Variants in PIK3C2G observed in about 807,000 individuals in gnomAD.
PIK3C2G encodes phosphatidylinositol 3-kinase C2 domain-containing subunit gamma.
PIK3C2G carries 168 observed loss-of-function variants against 181.1 expected under a neutral mutation model. The observed-to-expected ratio is 0.93, with a 90% CI of 0.82 to 1.05. The LOEUF (loss-of-function observed/expected upper bound fraction) is 1.05, where lower values mean the gene tolerates loss of function less well. Among genes scored for constraint, PIK3C2G ranks in the 50% least tolerant of loss-of-function variants. The pLI, the probability that PIK3C2G is intolerant of heterozygous loss-of-function variation, is 0.00. For synonymous variants in PIK3C2G, 573 were observed against 592.2 expected, an observed-to-expected ratio of 0.97 and a Z score of 0.47; for missense variants, 1,869 against 1,732.8, an observed-to-expected ratio of 1.08 and a Z score of -1.40.
chr12:18,455,136 A>G (rs547049970), intron 18 of PIK3C2G, among the ~76,000 whole-genome samples: 1 of 152,328 alleles, frequency 6.6e-6, no homozygotes, highest in African/African-American at 2.4e-5. Flanking sequence ...TAAAGAATAT[A>G]CCAGCAAGAC....
At chr12:18,379,766 C>G (rs531410501) in intron 13 of PIK3C2G, among the ~76,000 whole-genome samples, 1 of 152,172 alleles carries the variant, frequency 6.6e-6, no homozygotes, top group Admixed American at 6.5e-5. Context: ...GACTCAGGCT[C>G]TCACAGGCAC....
At chr12:18,607,996 C>A (rs531452124) in intron 30 of PIK3C2G, among the ~76,000 whole-genome samples, 95 of 152,194 alleles carry the variant, frequency 6.2e-4, no homozygotes, top group East Asian at 4.5e-3. Flanking sequence ...CAAAACCACA[C>A]TGAGATACCA....
intron 8 of PIK3C2G, among the ~76,000 whole-genome samples, chr12:18,333,281 ATTTG>A (rs753115349): frequency 4.6e-5 from 7 of 151,744 alleles, no homozygotes; most frequent in Non-Finnish European, 8.8e-5. Context: ...CTATATTTTC[ATTTG>A]TTTGTTTGTT....
chr12:18,630,754 G>A (rs1435293918), intron 31 of PIK3C2G, among the ~76,000 whole-genome samples: 1 of 152,046 alleles, frequency 6.6e-6, no homozygotes, highest in Non-Finnish European at 1.5e-5. Context: ...ATTAAAGTTA[G>A]ATGACTTCAT....
intron 31 of PIK3C2G, among the ~76,000 whole-genome samples, chr12:18,612,079 G>A (rs11837598): frequency 0.19 from 29,220 of 151,800 alleles, 2,816 homozygotes; most frequent in East Asian, 0.21. Context: ...TCACTTCTTG[G>A]CCTCTTAACC....
chr12:18,582,088 AAC>A (rs979646797), intron 29 of PIK3C2G, among the ~76,000 whole-genome samples: 28 of 152,188 alleles, frequency 1.8e-4, no homozygotes, highest in African/African-American at 6.3e-4. Flanking sequence ...AATGAAGAAA[AAC>A]AGTTTCAAAG....
At chr12:18,316,283 G>A (rs146359982) in intron 6 of PIK3C2G, among the ~76,000 whole-genome samples, 70 of 152,204 alleles carry the variant, frequency 4.6e-4, no homozygotes, top group African/African-American at 1.5e-3. Flanking sequence ...AGCTGACTCC[G>A]TCAATATTAA....
intron 5 of PIK3C2G, among the ~76,000 whole-genome samples, chr12:18,296,915 C>T (rs776859569): frequency 9.2e-5 from 14 of 152,060 alleles, no homozygotes; most frequent in Admixed American, 4.6e-4. Flanking sequence ...AAGAAATCAT[C>T]TGCTTCATTC....
chr12:18,627,332 C>T (rs554357043), intron 31 of PIK3C2G, among the ~76,000 whole-genome samples: 84 of 152,112 alleles, frequency 5.5e-4, no homozygotes, highest in Middle Eastern at 3.4e-3. Context: ...AATTATTTTA[C>T]GGAGTTATTC....
At chr12:18,684,358 C>T in the PIK3C2G span, 14 of 1,402,766 alleles carry the variant, frequency 1.0e-5, no homozygotes, top group Non-Finnish European at 1.4e-5. Context: ...GTTCTCCAAA[C>T]TTTTTCTTTT....
At chr12:18,436,496 A>G (rs1373776202) in intron 18 of PIK3C2G, among the ~76,000 whole-genome samples, 1 of 152,056 alleles carries the variant, frequency 6.6e-6, no homozygotes, top group Non-Finnish European at 1.5e-5. Flanking sequence ...TAGATTTGGT[A>G]TAGACAAACC....
the PIK3C2G span, among the ~76,000 whole-genome samples, chr12:18,724,650 T>C: frequency 6.6e-6 from 1 of 152,078 alleles, no homozygotes; most frequent in Non-Finnish European, 1.5e-5. Flanking sequence ...ATGCGTATTG[T>C]TCATTACCTT....
intron 30 of PIK3C2G, among the ~76,000 whole-genome samples, chr12:18,609,297 T>C (rs1460524721): frequency 6.6e-6 from 1 of 152,074 alleles, no homozygotes; most frequent in East Asian, 1.9e-4. Flanking sequence ...GAGAAAATAA[T>C]GGTATCAATC....
At chr12:18,676,706 G>A in the PIK3C2G span, among the ~76,000 whole-genome samples, 9 of 152,066 alleles carry the variant, frequency 5.9e-5, no homozygotes, top group Non-Finnish European at 1.3e-4. Context: ...TTACTAACTT[G>A]CCTGCCCACT....
chr12:18,688,091 T>G, the PIK3C2G span: 1 of 1,600,924 alleles, frequency 6.2e-7, no homozygotes, highest in Non-Finnish European at 8.5e-7. Flanking sequence ...GAGCTCACCA[T>G]TTTTTTTAAT....
chr12:18,693,456 C>A, the PIK3C2G span: 18 of 1,605,510 alleles, frequency 1.1e-5, no homozygotes, highest in South Asian at 2.2e-5. Flanking sequence ...CTCTGTGGTC[C>A]ACCTGGCACA....
intron 14 of PIK3C2G, among the ~76,000 whole-genome samples, chr12:18,382,690 T>C (rs1434394003): frequency 1.3e-5 from 2 of 152,158 alleles, no homozygotes; most frequent in Non-Finnish European, 2.9e-5. Context: ...TTCTTTCCAC[T>C]AGATGCCTGA....
At chr12:18,671,072 G>C in the PIK3C2G span, among the ~76,000 whole-genome samples, 1 of 151,776 alleles carries the variant, frequency 6.6e-6, no homozygotes, top group Non-Finnish European at 1.5e-5. Flanking sequence ...AGCTACTCAG[G>C]AGGCTGAGGC....
intron 18 of PIK3C2G, among the ~76,000 whole-genome samples, chr12:18,487,596 G>C (rs1940177113): frequency 6.6e-6 from 1 of 152,144 alleles, no homozygotes; most frequent in South Asian, 2.1e-4. Flanking sequence ...AGTGTTTTAA[G>C]GGTATAATAG....
Sources: gnomAD v4.1 joint callset for allele counts (sites outside exome capture counted in the v4.1 genomes callset) on GRCh38, gnomAD v4.1.1 for gene constraint, MANE v1.5 for transcripts, NCBI Gene and HGNC (gene_info 2026-07-23, HGNC 2026-07-21) for gene names.